Variants in CMIP observed in about 807,000 individuals in gnomAD.
CMIP encodes the protein c-Maf inducing protein.
A neutral mutation model predicts 97.3 loss-of-function variants in CMIP; 13 were observed. The ratio of observed to expected loss-of-function variants is 0.13; its 90% CI spans 0.09 to 0.21. CMIP has a LOEUF of 0.21. Ranked by LOEUF, CMIP falls within the 10% of genes least tolerant of loss-of-function variation. The probability of loss-of-function intolerance (pLI) is 1.00; values close to 1 mark genes in which losing one functional copy is unlikely to be tolerated. For synonymous variants in CMIP, 538 were observed against 436.3 expected, an observed-to-expected ratio of 1.23 and a Z score of -2.91; for missense variants, 847 against 1,024.9, an observed-to-expected ratio of 0.83 and a Z score of 2.37.
chr16:81,581,230 C>T lies in CMIP; in HGVS notation c.301-26337C>T, dbSNP rs191717247. Among the ~76,000 whole-genome samples the T allele has an allele frequency of 7.9e-4, 120 of 152,196 alleles. 1 individual carries two copies. Among genetic ancestry groups the T allele is most frequent in the African/African-American group, 2.8e-3 (116 of 41,504 alleles). On this transcript the variant is annotated intron_variant, in intron 1 of 20. Coordinates refer to ENST00000537098, the MANE Select transcript of CMIP (RefSeq NM_198390.3). ...TTTTTGGCTGTCGTGAATAAGCGGC[C>T]GTGAGCATTCTTGTACAAGTGTAGT...
At chr16:81,636,876 G>A (rs1266253257) in intron 3 of CMIP, among the ~76,000 whole-genome samples, 1 of 144,138 alleles carries the variant, frequency 6.9e-6, no homozygotes, top group Admixed American at 7.4e-5. Context: ...CCGTGAATTA[G>A]ATCATATATA....
At chr16:81,650,360 A>G (rs73600406) in intron 3 of CMIP, among the ~76,000 whole-genome samples, 2,545 of 152,312 alleles carry the variant, frequency 0.017, 73 homozygotes, top group African/African-American at 0.058. Flanking sequence ...AAAGAATAGT[A>G]AGACCAGGTG....
chr16:81,683,053 T>A (rs1203068087), intron 10 of CMIP, among the ~76,000 whole-genome samples: 1 of 152,234 alleles, frequency 6.6e-6, no homozygotes, highest in Non-Finnish European at 1.5e-5. Flanking sequence ...TATCCACCTG[T>A]TGATTCATTC....
chr16:81,506,551 C>G (rs2089712171), intron 1 of CMIP, among the ~76,000 whole-genome samples: 1 of 152,190 alleles, frequency 6.6e-6, no homozygotes, highest in Non-Finnish European at 1.5e-5. Flanking sequence ...TCAGTAATGG[C>G]TTAAGAACAG....
chr16:81,662,486 G>C (rs567514935), intron 6 of CMIP, among the ~76,000 whole-genome samples: 94 of 152,218 alleles, frequency 6.2e-4, no homozygotes, highest in African/African-American at 2.2e-3. Context: ...GAGGGAGGGG[G>C]GTCCCAGCCA....
intron 2 of CMIP, among the ~76,000 whole-genome samples, chr16:81,607,993 G>A (rs2091772694): frequency 6.6e-6 from 1 of 152,220 alleles, no homozygotes. Context: ...TTTTACAGAT[G>A]AGGAAACTGA....
chr16:81,452,994 T>G (rs1042434450), intron 1 of CMIP, among the ~76,000 whole-genome samples: 7 of 148,756 alleles, frequency 4.7e-5, no homozygotes, highest in African/African-American at 1.7e-4. Context: ...CCAGCAGAAC[T>G]TTGAAAACGC....
intron 14 of CMIP, chr16:81,697,160 T>C (rs77544574): frequency 5.9e-6 from 1 of 170,912 alleles, no homozygotes; most frequent in East Asian, 1.8e-4. Flanking sequence ...ACCAAACCAA[T>C]AGCTGCATCC....
At chr16:81,500,991 T>A (rs2089599913) in intron 1 of CMIP, among the ~76,000 whole-genome samples, 1 of 152,200 alleles carries the variant, frequency 6.6e-6, no homozygotes, top group African/African-American at 2.4e-5. Context: ...GCCAATTGGT[T>A]AGCAAGTTTT....
Position 81,527,381 on chromosome 16 carries a change from A to C in CMIP, c.301-80186A>C, listed in dbSNP as rs77394274. On this transcript the variant is annotated intron_variant, in intron 1 of 20. Coordinates refer to ENST00000537098, the MANE Select transcript of CMIP (RefSeq NM_198390.3). ...TAGCTAGATACCAGAAAAAAACACC[A>C]ACAGGGACATGTTCATTGTAGAATC... Among the ~76,000 whole-genome samples the C allele has an allele frequency of 2.3e-3, 354 of 152,326 alleles. 2 individuals carry two copies. The highest frequency in any genetic ancestry group is 7.7e-3 in the African/African-American group (321 of 41,582).
At chr16:81,582,059 G>A (rs1048829016) in intron 1 of CMIP, among the ~76,000 whole-genome samples, 1 of 152,100 alleles carries the variant, frequency 6.6e-6, no homozygotes, top group African/African-American at 2.4e-5. Flanking sequence ...GAGAGCTGGC[G>A]GGGAGAGGTG....
chr16:81,529,931 C>T (rs1483478012), intron 1 of CMIP, among the ~76,000 whole-genome samples: 1 of 152,136 alleles, frequency 6.6e-6, no homozygotes, highest in Admixed American at 6.5e-5. Context: ...GCGTGTGTGG[C>T]CATTTGAGCA....
chr16:81,635,559 TGAG>T lies in CMIP; in HGVS notation c.477+14636_477+14638del, dbSNP rs566671962. On this transcript the variant is annotated intron_variant, in intron 3 of 20. Transcript: ENST00000537098. Reference sequence around the variant, plus strand: ...GCAGTGCCATTTGTGTAAAATGAAATGAGGACCCCACAAAACCTGTCTGTATCG... The same window carrying T: ...GCAGTGCCATTTGTGTAAAATGAAATGACCCCACAAAACCTGTCTGTATCG... Among the ~76,000 whole-genome samples the T allele has an allele frequency of 6.6e-5, 10 of 152,290 alleles. No homozygotes were observed. In the East Asian group the frequency reaches 1.9e-3, roughly 29 times the overall value.
intron 1 of CMIP, among the ~76,000 whole-genome samples, chr16:81,535,764 C>T (rs753675428): frequency 2.6e-5 from 4 of 152,114 alleles, no homozygotes; most frequent in Non-Finnish European, 5.9e-5. Context: ...TACCCACCTT[C>T]CCCTCCCACC....
intron 1 of CMIP, among the ~76,000 whole-genome samples, chr16:81,476,684 C>T (rs574867773): frequency 4.6e-5 from 7 of 152,248 alleles, no homozygotes; most frequent in South Asian, 2.1e-4. Flanking sequence ...ATGAAGAAGC[C>T]GTGGCATATT....
At chr16:81,510,211 G>C (rs776949518) in intron 1 of CMIP, among the ~76,000 whole-genome samples, 1 of 152,202 alleles carries the variant, frequency 6.6e-6, no homozygotes, top group East Asian at 1.9e-4. Context: ...GTCTGATCGG[G>C]GACGAGGGGG....
chr16:81,500,273 T>TCCTTCCTTCCTTCCTC (rs2089576673), intron 1 of CMIP, among the ~76,000 whole-genome samples: 1 of 19,362 alleles, frequency 5.2e-5, no homozygotes, highest in African/African-American at 1.9e-4. Context: ...CTTCCTTCCG[T>TCCTTCCTTCCTTCCTC]CCTTCCTTCC....
At chr16:81,463,234 C>G (rs910568460) in intron 1 of CMIP, among the ~76,000 whole-genome samples, 9 of 152,176 alleles carry the variant, frequency 5.9e-5, no homozygotes, top group Non-Finnish European at 1.2e-4. Context: ...CAAGTTTCCT[C>G]ATTGTCTTTG....
intron 1 of CMIP, among the ~76,000 whole-genome samples, chr16:81,456,839 AG>A (rs1906579101): frequency 6.6e-6 from 1 of 152,158 alleles, no homozygotes. Flanking sequence ...GCGTGTGGAC[AG>A]AGCAGAAGGG....
Sources: gnomAD v4.1 joint callset for allele counts (sites outside exome capture counted in the v4.1 genomes callset) on GRCh38, gnomAD v4.1.1 for gene constraint, MANE v1.5 for transcripts, NCBI Gene and HGNC (gene_info 2026-07-23, HGNC 2026-07-21) for gene names.